The following GALNT18 variants were observed in gnomAD, a reference collection of about 807,000 sequenced individuals.
GALNT18 encodes the protein polypeptide N-acetylgalactosaminyltransferase 18, also known as GalNAc-transferase 18.
GALNT18 carries 44 observed loss-of-function variants against 69.5 expected under a neutral mutation model. That is an observed-to-expected ratio of 0.63 (90% CI 0.50 to 0.81). The LOEUF (loss-of-function observed/expected upper bound fraction) is 0.81, where lower values mean the gene tolerates loss of function less well. GALNT18 is among the 40% of genes least tolerant of loss of function. GALNT18 has a pLI of 0.00. For synonymous variants in GALNT18, 364 were observed against 318.2 expected (o/e 1.14, Z -1.53); for missense variants, 715 against 810.0 (o/e 0.88, Z 1.42).
In GALNT18 at chr11:11,447,084, A is replaced by C. The variant is rs568414545; in HGVS notation, c.428+1660T>G. Among the ~76,000 whole-genome samples, 16 of 152,090 alleles carry C rather than the reference A, an allele frequency of 1.1e-4. No individual in the cohort carries two copies. The South Asian group carries it at 3.3e-3, about 32-fold the overall frequency. On this transcript the variant is annotated intron_variant, in intron 2 of 10. Coordinates refer to ENST00000227756, the MANE Select transcript of GALNT18 (RefSeq NM_198516.3). ...TGTTGCTCCTCTGGCCTCATCTCCA[A>C]CTACTGCCCCCTTACACACCCCATT...
Position 11,432,404 on chromosome 11 carries a change from A to G in GALNT18, c.595+217T>C, listed in dbSNP as rs1484649266. Among the ~76,000 whole-genome samples the G allele has an allele frequency of 6.6e-6, 1 of 152,208 alleles. No homozygotes were observed. The highest frequency in any genetic ancestry group is 1.5e-5 in the Non-Finnish European group (1 of 68,038). ...TGGGAGGGGAGAGTAGCCAGCCAGG[A>G]GAAAAAGCCTAAGGACCAGACCCCT... On this transcript the variant is annotated intron_variant, in intron 3 of 10. Coordinates refer to ENST00000227756, the MANE Select transcript of GALNT18 (RefSeq NM_198516.3). This position sits in a 1 kb window ranked among gnomAD's most constrained non-coding sequence, Gnocchi z 5.8.
rs1288349985 is a variant in GALNT18 at position 11,327,134 on chromosome 11, A to G, written c.1464T>C (p.Asp488=). 6.2e-7 allele frequency: 1 copy of G among 1,613,968 alleles called. No individual in the cohort carries two copies. The highest frequency in any genetic ancestry group is 8.5e-7 in the Non-Finnish European group (1 of 1,179,938). ...KTDLCLDQGP[D]TENVPIMYIC... is the part of the protein sequence containing the mutation. ...TGTACATGATGGGGACATTCTCTGTATCTGGCCCCTGGTCAAGACACAAAT... is the reference window on the plus strand; with the variant it reads ...TGTACATGATGGGGACATTCTCTGTGTCTGGCCCCTGGTCAAGACACAAAT... Residue 488 remains aspartate (D), a synonymous_variant, in exon 9 of 11, where the codon GAT becomes GAC. Coordinates refer to ENST00000227756, the MANE Select transcript of GALNT18 (RefSeq NM_198516.3).
rs77382237 is a variant in GALNT18, at chr11:11,377,994, G to A, written c.780-615C>T. 0.01 allele frequency among the ~76,000 whole-genome samples: 1,541 copies of A among 152,328 alleles called. 15 individuals are homozygous for A. Among genetic ancestry groups the A allele is most frequent in the South Asian group, 0.021 (100 of 4,832 alleles). ...CACCAGGCGAGTAAAGTGTTTGCAG[G>A]CAGGAATAAGCTTCTCATTAATAAT... On this transcript the variant is annotated intron_variant, in intron 4 of 10. Coordinates refer to ENST00000227756, the MANE Select transcript of GALNT18 (RefSeq NM_198516.3). The surrounding 1 kb of genome is among the most constrained non-coding windows in gnomAD (Gnocchi z 4.6).
At chr11:11,579,099 T>C (rs564427732) in intron 1 of GALNT18, among the ~76,000 whole-genome samples, 1 of 152,236 alleles carries the variant, frequency 6.6e-6, no homozygotes, top group African/African-American at 2.4e-5. Flanking sequence ...AGCAGACACA[T>C]AGGTTTGGCT....
At position 11,600,257 on chromosome 11, in the gene GALNT18, C is replaced by T. The variant is rs1312763878; in HGVS notation, c.235+21102G>A. Reference sequence around the variant, plus strand: ...TTGTCTCTTCTGTGAATTTGAATTACTGTCCTGTGTGACTCACATTCAGCC... The same window carrying T: ...TTGTCTCTTCTGTGAATTTGAATTATTGTCCTGTGTGACTCACATTCAGCC... On this transcript the variant is annotated intron_variant, in intron 1 of 10. Transcript: ENST00000227756. The surrounding 1 kb of genome is among the most constrained non-coding windows in gnomAD (Gnocchi z 4.8). Among the ~76,000 whole-genome samples, 1 of 152,104 alleles carries T rather than the reference C, an allele frequency of 6.6e-6. No homozygotes were observed. The highest frequency in any genetic ancestry group is 1.5e-5 in the Non-Finnish European group (1 of 67,960).
chr11:11,480,170 G>A lies in GALNT18; in HGVS notation c.236-31234C>T, dbSNP rs935690290. Among the ~76,000 whole-genome samples the A allele has an allele frequency of 1.3e-5, 2 of 152,060 alleles. No individual in the cohort carries two copies. The highest frequency in any genetic ancestry group is 1.5e-5 in the Non-Finnish European group (1 of 68,012). On this transcript the variant is annotated intron_variant, in intron 1 of 10. Coordinates refer to ENST00000227756, the MANE Select transcript of GALNT18 (RefSeq NM_198516.3). This position sits in a 1 kb window ranked among gnomAD's most constrained non-coding sequence, Gnocchi z 4.6. ...CTCCTATCTGAAACATCATCTCCCA[G>A]AACAAGCCATGGGTGGTAGCCACAA... is the stretch of plus-strand genomic sequence containing the variant.
chr11:11,370,087 C>A (rs564945609), intron 6 of GALNT18, among the ~76,000 whole-genome samples: 8 of 151,826 alleles, frequency 5.3e-5, no homozygotes, highest in Admixed American at 2.6e-4. Flanking sequence ...AAAAAAAAAA[C>A]CACTATTACA....
At chr11:11,550,946 G>C (rs1344045822) in intron 1 of GALNT18, among the ~76,000 whole-genome samples, 1 of 152,172 alleles carries the variant, frequency 6.6e-6, no homozygotes, top group Non-Finnish European at 1.5e-5. Flanking sequence ...AAGCAGCATG[G>C]AGAGGAAGAG....
intron 10 of GALNT18, among the ~76,000 whole-genome samples, chr11:11,282,505 C>G (rs1015227582): frequency 1.3e-5 from 2 of 152,184 alleles, no homozygotes; most frequent in Non-Finnish European, 2.9e-5. Context: ...TCCAGGGTCA[C>G]ATGGTCAGTA....
chr11:11,450,044 C>T (rs1272197300), intron 1 of GALNT18, among the ~76,000 whole-genome samples: 2 of 152,088 alleles, frequency 1.3e-5, no homozygotes, highest in Non-Finnish European at 2.9e-5. Context: ...TCAGGTGAAT[C>T]ATTTGAGGTC....
rs532224253 is a variant in GALNT18 at position 11,377,981 on chromosome 11, A to C, written c.780-602T>G. ...AGACCCTTGAAGGCACCAGGCGAGT[A>C]AAGTGTTTGCAGGCAGGAATAAGCT... On this transcript the variant is annotated intron_variant, in intron 4 of 10. Transcript: ENST00000227756. This position sits in a 1 kb window ranked among gnomAD's most constrained non-coding sequence, Gnocchi z 4.6. 6.6e-6 allele frequency among the ~76,000 whole-genome samples: 1 copy of C among 152,366 alleles called. No homozygotes were observed. Among genetic ancestry groups the C allele is most frequent in the East Asian group, 1.9e-4 (1 of 5,182 alleles).
intron 1 of GALNT18, among the ~76,000 whole-genome samples, chr11:11,536,335 C>T (rs1162324487): frequency 6.6e-6 from 1 of 152,162 alleles, no homozygotes; most frequent in East Asian, 1.9e-4. Context: ...AACGAAGTTT[C>T]CAAGATCACA....
chr11:11,414,054 T>C (rs1454765274), intron 3 of GALNT18, among the ~76,000 whole-genome samples: 1 of 151,964 alleles, frequency 6.6e-6, no homozygotes, highest in African/African-American at 2.4e-5. Context: ...TTCCATTCCT[T>C]CCTTTCCTTC....
chr11:11,362,648 G>A (rs74633477), intron 6 of GALNT18, among the ~76,000 whole-genome samples: 1,760 of 152,068 alleles, frequency 0.012, 32 homozygotes, highest in African/African-American at 0.04. Flanking sequence ...CTTTCTCATC[G>A]GTCAGATTGG....
intron 1 of GALNT18, among the ~76,000 whole-genome samples, chr11:11,535,638 C>T (rs1050861002): frequency 4.6e-5 from 7 of 152,184 alleles, no homozygotes; most frequent in African/African-American, 1.2e-4. Context: ...GCTCAGATGC[C>T]GTTGGCCAGA....
rs1161378671 is a variant in GALNT18 at position 11,454,185 on chromosome 11, T to C, written c.236-5249A>G. Reference sequence around the variant, plus strand: ...CCAGCAGGTAGGAGCACAAAGCCAGTGAAGGCATGGCCGGGGCAAATTCCA... The same window carrying C: ...CCAGCAGGTAGGAGCACAAAGCCAGCGAAGGCATGGCCGGGGCAAATTCCA... On this transcript the variant is annotated intron_variant, in intron 1 of 10. Transcript: ENST00000227756. The surrounding 1 kb of genome is among the most constrained non-coding windows in gnomAD (Gnocchi z 4.2). Among the ~76,000 whole-genome samples the C allele has an allele frequency of 6.6e-6, 1 of 152,224 alleles. No homozygotes were observed.
intron 3 of GALNT18, among the ~76,000 whole-genome samples, chr11:11,416,476 G>T (rs939019485): frequency 6.6e-5 from 10 of 152,100 alleles, no homozygotes; most frequent in Non-Finnish European, 1.3e-4. Flanking sequence ...TTTCCATTTG[G>T]CATGGAGCTC....
chr11:11,439,116 G>A lies in GALNT18; in HGVS notation c.429-6329C>T, dbSNP rs918105421. On this transcript the variant is annotated intron_variant, in intron 2 of 10. Coordinates refer to ENST00000227756, the MANE Select transcript of GALNT18 (RefSeq NM_198516.3). This position sits in a 1 kb window ranked among gnomAD's most constrained non-coding sequence, Gnocchi z 4.4. ...GACCAGTGGCCCTGTCCAGCCACTG[G>A]ACAATGGAGGGGTTGAATGTAGGAG... Among the ~76,000 whole-genome samples, 17 of 152,222 alleles carry A rather than the reference G, an allele frequency of 1.1e-4. No individual in the cohort carries two copies. Among genetic ancestry groups the A allele is most frequent in the Admixed American group, 5.9e-4 (9 of 15,282 alleles).
chr11:11,385,501 T>G (rs896138039), intron 3 of GALNT18, among the ~76,000 whole-genome samples: 1 of 152,114 alleles, frequency 6.6e-6, no homozygotes, highest in Non-Finnish European at 1.5e-5. Context: ...TTCACCATGT[T>G]AGCCAGGATG....
Sources: gnomAD v4.1 joint callset for allele counts (sites outside exome capture counted in the v4.1 genomes callset) on GRCh38, gnomAD v4.1.1 for gene constraint, Gnocchi (gnomAD v3.1) non-coding constraint, MANE v1.5 for transcripts, NCBI Gene and HGNC (gene_info 2026-07-23, HGNC 2026-07-21) for gene names.